The following CIT variants were observed in gnomAD, a reference collection of about 807,000 sequenced individuals.
The protein encoded by CIT is citron rho-interacting serine/threonine kinase, also known as citron Rho-interacting kinase.
CIT carries 79 observed loss-of-function variants against 272.7 expected under a neutral mutation model. The ratio of observed to expected loss-of-function variants is 0.29; its 90% CI spans 0.24 to 0.35. The LOEUF is 0.35. Ranked by LOEUF, CIT falls within the 10% of genes least tolerant of loss-of-function variation. CIT has a pLI of 1.00. For missense variants in CIT, 1,909 were observed against 2,618.3 expected (o/e 0.73, Z 5.91); for synonymous variants, 948 against 995.6 (o/e 0.95, Z 0.90).
chr12:119,757,496 G>C lies in CIT; in HGVS notation c.2581C>G (p.Leu861Val). ...ISELRQQKFY[L>V]ETQAGKLEAQ... Reference sequence around the variant, plus strand: ...TCCAACTTCCCAGCCTGTGTCTCCAGGTAAAATTTCTGTTGCCTGAGTTCA... The same window carrying C: ...TCCAACTTCCCAGCCTGTGTCTCCACGTAAAATTTCTGTTGCCTGAGTTCA... Residue 861 changes from leucine to valine, a missense_variant, in exon 22 of 48, where the codon CTG becomes GTG. By Grantham distance (32) the Leu-to-Val change is conservative (BLOSUM62 1). This residue lies in a region of CIT where 530 missense variants were observed against 822.4 expected (regional missense o/e 0.64). Transcript: ENST00000392521. 1 of 1,614,182 alleles carries C rather than the reference G, an allele frequency of 6.2e-7. No individual in the cohort carries two copies. The highest frequency in any genetic ancestry group is 8.5e-7 in the Non-Finnish European group (1 of 1,180,036).
intron 18 of CIT, among the ~76,000 whole-genome samples, chr12:119,769,277 C>T (rs1962822418): frequency 6.6e-6 from 1 of 152,082 alleles, no homozygotes; most frequent in Non-Finnish European, 1.5e-5. Context: ...GTAAGTGAAC[C>T]TTAGGAAGAG....
At chr12:119,780,800 A>G (rs1169977651) in intron 13 of CIT, among the ~76,000 whole-genome samples, 1 of 152,190 alleles carries the variant, frequency 6.6e-6, no homozygotes, top group African/African-American at 2.4e-5. Flanking sequence ...TCATAAAATA[A>G]ATCCTTGTTC....
At chr12:119,864,644 T>C (rs1277395627) in intron 3 of CIT, among the ~76,000 whole-genome samples, 1 of 152,162 alleles carries the variant, frequency 6.6e-6, no homozygotes, top group East Asian at 1.9e-4. Flanking sequence ...TCTGTGCAAG[T>C]TTTAGTATAA....
intron 9 of CIT, among the ~76,000 whole-genome samples, chr12:119,812,219 A>G (rs1966854481): frequency 6.6e-6 from 1 of 152,042 alleles, no homozygotes; most frequent in Admixed American, 6.6e-5. Flanking sequence ...AAGTGCTGGG[A>G]TTACAGGTGT....
rs553144946 is a variant in CIT, at chr12:119,736,759, A to C, written c.2959-1402T>G. The stretch of plus-strand genomic sequence containing the variant: ...TCTGTGGCATGTTAAATCTCCTAAA[A>C]CCAGAAACAATGAATAAACAATGCC... On this transcript the variant is annotated intron_variant, in intron 24 of 47. Transcript: ENST00000392521. Among the ~76,000 whole-genome samples, 6 of 152,294 alleles carry C rather than the reference A, an allele frequency of 3.9e-5. No individual in the cohort carries two copies. In the South Asian group the frequency reaches 1.2e-3, roughly 32 times the overall value.
intron 7 of CIT, among the ~76,000 whole-genome samples, chr12:119,830,846 T>C (rs1392577356): frequency 6.6e-6 from 1 of 152,262 alleles, no homozygotes; most frequent in Non-Finnish European, 1.5e-5. Flanking sequence ...ATCCATGATT[T>C]TTTTTTAATT....
intron 3 of CIT, among the ~76,000 whole-genome samples, chr12:119,859,079 A>G (rs751552657): frequency 1.3e-5 from 2 of 152,220 alleles, no homozygotes; most frequent in Non-Finnish European, 2.9e-5. Flanking sequence ...CTGATCTGAG[A>G]CATCGCTAAA....
chr12:119,756,354 C>A (rs1960983401), intron 22 of CIT, among the ~76,000 whole-genome samples: 1 of 152,148 alleles, frequency 6.6e-6, no homozygotes. Context: ...GGGAGTGGCC[C>A]CAGCAAGTGG....
intron 40 of CIT, among the ~76,000 whole-genome samples, chr12:119,705,846 T>C (rs935337940): frequency 4.0e-5 from 6 of 150,036 alleles, no homozygotes; most frequent in African/African-American, 1.2e-4. Flanking sequence ...TCCCAGCACT[T>C]TGGGAGGCCA....
chr12:119,700,968 C>T, intron 43 of CIT, 143 bp from the exon 44 acceptor site: 1 of 517,294 alleles, frequency 1.9e-6, no homozygotes, highest in Non-Finnish European at 3.5e-6. Context: ...AGGCCCTCTG[C>T]TGAGCCAGCT....
At chr12:119,812,573 G>A (rs1168003265) in intron 9 of CIT, among the ~76,000 whole-genome samples, 1 of 151,830 alleles carries the variant, frequency 6.6e-6, no homozygotes, top group Admixed American at 6.6e-5. Flanking sequence ...CCAAGTAGCT[G>A]GGATTACAGG....
chr12:119,719,568 C>T (rs1382905662), intron 30 of CIT, among the ~76,000 whole-genome samples: 1 of 152,186 alleles, frequency 6.6e-6, no homozygotes, highest in Non-Finnish European at 1.5e-5. Flanking sequence ...CCTTCCCGTG[C>T]AGCCAACGTC....
chr12:119,840,614 C>G (rs1458259285), intron 5 of CIT, among the ~76,000 whole-genome samples: 2 of 152,088 alleles, frequency 1.3e-5, no homozygotes, highest in Admixed American at 6.6e-5. Flanking sequence ...AAAATTGAAG[C>G]GGAAAAGGCC....
In CIT at chr12:119,784,197, C is replaced by T. The variant is rs2137706891; in HGVS notation, c.1402-146G>A. 1 of 1,606,920 alleles carries T rather than the reference C, an allele frequency of 6.2e-7. No individual in the cohort carries two copies. The highest frequency in any genetic ancestry group is 2.2e-5 in the East Asian group (1 of 44,456). On this transcript the variant is annotated intron_variant, in intron 11 of 47. Transcript: ENST00000392521. This position sits in a 1 kb window ranked among gnomAD's most constrained non-coding sequence, Gnocchi z 4.7. Reference sequence around the variant, plus strand: ...AGTTGGGATGGAAATACCATTGTTTCTTCGCCCAGGAGCGCACAGTTCTTC... The same window carrying T: ...AGTTGGGATGGAAATACCATTGTTTTTTCGCCCAGGAGCGCACAGTTCTTC...
At chr12:119,746,870 T>C (rs993939633) in intron 23 of CIT, among the ~76,000 whole-genome samples, 1 of 152,040 alleles carries the variant, frequency 6.6e-6, no homozygotes, top group Admixed American at 6.6e-5. Flanking sequence ...AGTAAGAAAA[T>C]GGTAAGTCAT....
At position 119,718,807 on chromosome 12, in the gene CIT, G is replaced by T; in HGVS notation, c.3895C>A (p.Gln1299Lys). The change falls in exon 31 of 48, where the codon CAG (glutamine) becomes AAG (lysine). Residue 1299 changes from glutamine to lysine, a missense_variant. Coordinates refer to ENST00000392521, the MANE Select transcript of CIT (RefSeq NM_001206999.2). This position sits in a 1 kb window ranked among gnomAD's most constrained non-coding sequence, Gnocchi z 4.8. ...DPALPTQVPL[Q>K]YNELKLALEK... ...AGGGCCAGCTTCAGCTCATTGTACT[G>T]CAGAGGAACCTGTGTGGGTAAAGCA... The T allele has an allele frequency of 3.7e-6, 6 of 1,614,170 alleles. No individual in the cohort carries two copies. Among genetic ancestry groups the T allele is most frequent in the Middle Eastern group, 1.6e-4 (1 of 6,062 alleles).
chr12:119,815,706 C>G (rs1308816406), intron 9 of CIT, among the ~76,000 whole-genome samples: 1 of 137,896 alleles, frequency 7.3e-6, no homozygotes, highest in South Asian at 2.3e-4. Context: ...AACTCCATCT[C>G]AAAAAAAAAA....
At chr12:119,700,970 G>A (rs1467664185) in intron 43 of CIT, 145 bp from the exon 44 acceptor site, 8 of 498,064 alleles carry the variant, frequency 1.6e-5, no homozygotes, top group Non-Finnish European at 2.9e-5. Context: ...GCCCTCTGCT[G>A]AGCCAGCTCT....
chr12:119,867,145 C>A (rs1682308536), intron 3 of CIT, among the ~76,000 whole-genome samples: 1 of 152,088 alleles, frequency 6.6e-6, no homozygotes, highest in Non-Finnish European at 1.5e-5. Context: ...GCAGAGGAAT[C>A]CCCAGCTGAG....
Sources: gnomAD v4.1 joint callset for allele counts (sites outside exome capture counted in the v4.1 genomes callset) on GRCh38, gnomAD v4.1.1 for gene constraint, gnomAD v4.1.1 regional missense constraint, Gnocchi (gnomAD v3.1) non-coding constraint, MANE v1.5 for transcripts, NCBI Gene and HGNC (gene_info 2026-07-23, HGNC 2026-07-21) for gene names.